The following GREB1 variants were observed in gnomAD, a reference collection of about 807,000 sequenced individuals.
GREB1 encodes the protein growth regulating estrogen receptor binding 1.
Under a neutral mutation model 200.7 loss-of-function variants are expected in GREB1, and 106 were observed. That is an observed-to-expected ratio of 0.53 (90% confidence interval 0.45 to 0.62). The LOEUF is 0.62. Ranked by LOEUF, GREB1 falls within the 20% of genes least tolerant of loss-of-function variation. The pLI is 0.00. For missense variants in GREB1, 2,243 were observed against 2,556.8 expected (o/e 0.88, Z 2.65); for synonymous variants, 1,132 against 1,092.4 (o/e 1.04, Z -0.72).
intron 2 of GREB1, among the ~76,000 whole-genome samples, chr2:11,560,128 A>T (rs1014346649): frequency 2.6e-5 from 4 of 152,148 alleles, no homozygotes; most frequent in African/African-American, 9.7e-5. Flanking sequence ...ACTCCAGGTG[A>T]CCTTAGGGTT....
chr2:11,509,848 C>T (rs774808723), intron 1 of GREB1, among the ~76,000 whole-genome samples: 6 of 152,202 alleles, frequency 3.9e-5, no homozygotes, highest in Admixed American at 2.6e-4. Flanking sequence ...GCCTCCAGAA[C>T]GTGAGAAATG....
chr2:11,597,931 C>G lies in GREB1; in HGVS notation c.2105C>G (p.Pro702Arg). Residue 702 changes from proline to arginine, a missense_variant, in exon 14 of 33, where the codon CCC becomes CGC. Transcript: ENST00000381486. This position sits in a 1 kb window ranked among gnomAD's most constrained non-coding sequence, Gnocchi z 4.1. ...GTGGACTTTCTCATTTGCATTCCCC[C>G]CTCAGAAGTGACCTACCAGCAGACT... Reference protein sequence around the residue: ...EKVDFLICIPPSEVTYQQTLL... With the variant: ...EKVDFLICIPRSEVTYQQTLL... 1.9e-6 allele frequency: 3 copies of G among 1,614,182 alleles called. No homozygotes were observed. Among genetic ancestry groups the G allele is most frequent in the Non-Finnish European group, 2.5e-6 (3 of 1,180,002 alleles).
In GREB1 at chr2:11,618,807, A is replaced by G. The variant is rs748071686; in HGVS notation, c.3932A>G (p.Tyr1311Cys). The G allele has an allele frequency of 1.2e-6, 2 of 1,608,724 alleles. No homozygotes were observed. ...ATGACATCCACCGAGCAGTCCCTCTACTACCGGCAGTGGACGGTGCCCCGG... is the reference window on the plus strand; with the variant it reads ...ATGACATCCACCGAGCAGTCCCTCTGCTACCGGCAGTGGACGGTGCCCCGG... ...KTMTSTEQSL[Y>C]YRQWTVPRPS... is the part of the protein sequence containing the mutation. The change falls in exon 22 of 33, where the codon TAC becomes TGC. Residue 1311 changes from tyrosine to cysteine, a missense_variant. Physicochemically the swap from Tyr to Cys is radical, Grantham distance 194. Around this residue, in one of 3 missense-constraint regions of GREB1, gnomAD observed 587 missense variants for 553.1 expected, o/e 1.06. Transcript: ENST00000381486.
At chr2:11,639,422 C>T (rs1208074070) in intron 32 of GREB1, among the ~76,000 whole-genome samples, 2 of 152,212 alleles carry the variant, frequency 1.3e-5, no homozygotes, top group South Asian at 4.1e-4. Context: ...TCCTTCACAT[C>T]GGTGTCCCAG....
chr2:11,630,244 G>A (rs771488368), intron 26 of GREB1, 135 bp downstream of exon 26: 24 of 762,208 alleles, frequency 3.1e-5, no homozygotes, highest in Non-Finnish European at 4.0e-5. Context: ...GGCTGGTGTC[G>A]CGCACGGGCT....
chr2:11,617,462 A>G (rs1572149450), intron 21 of GREB1, among the ~76,000 whole-genome samples: 1 of 152,264 alleles, frequency 6.6e-6, no homozygotes, highest in African/African-American at 2.4e-5. Context: ...TTGTTCTCAT[A>G]AAAGACGTGT....
At chr2:11,584,031 G>T (rs962557578) in intron 7 of GREB1, among the ~76,000 whole-genome samples, 13 of 152,128 alleles carry the variant, frequency 8.5e-5, no homozygotes, top group African/African-American at 2.9e-4. Context: ...GCTCTGATTG[G>T]TATTTCTCCA....
At chr2:11,518,002 T>G (rs1038035833) in intron 1 of GREB1, among the ~76,000 whole-genome samples, 1 of 151,926 alleles carries the variant, frequency 6.6e-6, no homozygotes, top group Non-Finnish European at 1.5e-5. Flanking sequence ...TTCCAAGGAG[T>G]GAGTTTGTTT....
At chr2:11,521,620 A>G (rs1310402375) in intron 1 of GREB1, among the ~76,000 whole-genome samples, 1 of 152,180 alleles carries the variant, frequency 6.6e-6, no homozygotes, top group African/African-American at 2.4e-5. Flanking sequence ...CCTTAACCCC[A>G]GTGAGAGTTC....
intron 1 of GREB1, among the ~76,000 whole-genome samples, chr2:11,522,786 T>C (rs1424515581): frequency 2.0e-5 from 3 of 152,222 alleles, no homozygotes; most frequent in Admixed American, 2.0e-4. Flanking sequence ...TGTCATGGGA[T>C]GTCTGATATA....
At chr2:11,506,964 G>C (rs1171266405) in intron 1 of GREB1, among the ~76,000 whole-genome samples, 1 of 151,454 alleles carries the variant, frequency 6.6e-6, no homozygotes, top group African/African-American at 2.4e-5. Context: ...TTTGTGTGAA[G>C]CAATCAAAGA....
At chr2:11,545,670 C>G (rs1675206161) in intron 1 of GREB1, among the ~76,000 whole-genome samples, 1 of 152,148 alleles carries the variant, frequency 6.6e-6, no homozygotes, top group Admixed American at 6.5e-5. Context: ...AAAATTGTTC[C>G]AAATGTGTGA....
chr2:11,584,292 G>GT (rs1483902999), intron 7 of GREB1, among the ~76,000 whole-genome samples: 1 of 152,194 alleles, frequency 6.6e-6, no homozygotes, highest in African/African-American at 2.4e-5. Context: ...CACGAAGATA[G>GT]TTTGAGTCAT....
intron 1 of GREB1, among the ~76,000 whole-genome samples, chr2:11,506,452 G>A (rs1229848187): frequency 1.3e-5 from 2 of 152,172 alleles, no homozygotes; most frequent in Non-Finnish European, 2.9e-5. Context: ...TCCTTGGCAG[G>A]CCTTAGCATA....
intron 5 of GREB1, among the ~76,000 whole-genome samples, chr2:11,577,326 C>T (rs976525699): frequency 6.6e-6 from 1 of 152,198 alleles, no homozygotes; most frequent in Admixed American, 6.5e-5. Context: ...CAAAGAAGCC[C>T]CCTGCAAATG....
intron 1 of GREB1, among the ~76,000 whole-genome samples, chr2:11,512,828 T>C (rs1673389240): frequency 2.0e-5 from 3 of 152,200 alleles, no homozygotes; most frequent in Non-Finnish European, 2.9e-5. Flanking sequence ...GAATGAGACT[T>C]AGGAGACTTT....
intron 1 of GREB1, among the ~76,000 whole-genome samples, chr2:11,537,794 C>T (rs1376592737): frequency 1.4e-5 from 2 of 147,990 alleles, no homozygotes; most frequent in East Asian, 2.0e-4. Flanking sequence ...ACATAAAATA[C>T]ATACATGTAT....
chr2:11,532,478 G>C (rs1401122093), upstream of GREB1, among the ~76,000 whole-genome samples: 1 of 152,190 alleles, frequency 6.6e-6, no homozygotes, highest in East Asian at 1.9e-4. Context: ...TACGCCTTTA[G>C]TTTTTGTTTA....
At chr2:11,613,915 C>T (rs766676032) in intron 19 of GREB1, among the ~76,000 whole-genome samples, 18 of 152,152 alleles carry the variant, frequency 1.2e-4, no homozygotes, top group Non-Finnish European at 2.2e-4. Context: ...ACGTACCCCT[C>T]TCTAAGCCCT....
Sources: gnomAD v4.1 joint callset for allele counts (sites outside exome capture counted in the v4.1 genomes callset) on GRCh38, gnomAD v4.1.1 for gene constraint, gnomAD v4.1.1 regional missense constraint, Gnocchi (gnomAD v3.1) non-coding constraint, MANE v1.5 for transcripts, NCBI Gene and HGNC (gene_info 2026-07-23, HGNC 2026-07-21) for gene names.